Variants in DENND1A observed in about 807,000 individuals in gnomAD.
The protein encoded by DENND1A is DENN domain containing 1A.
Under a neutral mutation model 113.7 loss-of-function variants are expected in DENND1A, and 51 were observed. That is an observed-to-expected ratio of 0.45 (90% CI 0.36 to 0.57). The LOEUF is 0.57. DENND1A is among the 20% of genes least tolerant of loss of function. DENND1A has a pLI of 0.00. For synonymous variants in DENND1A, 565 were observed against 570.8 expected (o/e 0.99, Z 0.14); for missense variants, 1,258 against 1,395.9 (o/e 0.90, Z 1.57).
At chr9:123,630,325 C>T (rs1294204032) in intron 10 of DENND1A, 51 bp downstream of exon 10, 1 of 1,342,872 alleles carries the variant, frequency 7.4e-7, no homozygotes, top group South Asian at 1.7e-5. Context: ...CCTAACACGC[C>T]CAGTCAGATC....
chr9:123,503,202 G>C (rs2052638635), intron 13 of DENND1A, among the ~76,000 whole-genome samples: 1 of 152,206 alleles, frequency 6.6e-6, no homozygotes, highest in African/African-American at 2.4e-5. Context: ...TAGTCAGATG[G>C]ATTTGAGACC....
chr9:123,615,033 G>C (rs1468119663), intron 10 of DENND1A, among the ~76,000 whole-genome samples: 2 of 152,350 alleles, frequency 1.3e-5, no homozygotes, highest in Admixed American at 6.5e-5. Flanking sequence ...ACAGACACCA[G>C]AGAACATATC....
At chr9:123,420,420 A>AG (rs2045166621) in intron 19 of DENND1A, among the ~76,000 whole-genome samples, 1 of 151,382 alleles carries the variant, frequency 6.6e-6, no homozygotes, top group South Asian at 2.1e-4. Flanking sequence ...GCCACCTGCG[A>AG]GGGGGATGAG....
intron 1 of DENND1A, among the ~76,000 whole-genome samples, chr9:123,903,855 T>C (rs1852221947): frequency 1.3e-5 from 2 of 152,078 alleles, no homozygotes; most frequent in African/African-American, 4.8e-5. Context: ...AAGCTCGAAC[T>C]GGGTGGAGCC....
chr9:123,825,886 G>A (rs996105424), intron 2 of DENND1A, among the ~76,000 whole-genome samples: 1 of 152,180 alleles, frequency 6.6e-6, no homozygotes, highest in Non-Finnish European at 1.5e-5. Flanking sequence ...AATGCAAGTG[G>A]CCTGTGCCAA....
intron 21 of DENND1A, among the ~76,000 whole-genome samples, chr9:123,389,920 G>A (rs1410053305): frequency 6.6e-6 from 1 of 152,206 alleles, no homozygotes; most frequent in African/African-American, 2.4e-5. Context: ...CATGCTGTGT[G>A]TTGGCTCTAC....
At chr9:123,801,879 T>C (rs1181485108) in intron 2 of DENND1A, among the ~76,000 whole-genome samples, 3 of 152,206 alleles carry the variant, frequency 2.0e-5, no homozygotes, top group Non-Finnish European at 4.4e-5. Flanking sequence ...TTCACCTTTC[T>C]CATCTTCCCA....
intron 10 of DENND1A, among the ~76,000 whole-genome samples, chr9:123,627,757 A>AAAAAAAAG (rs1366495919): frequency 2.1e-5 from 3 of 144,464 alleles, no homozygotes; most frequent in East Asian, 4.0e-4. Flanking sequence ...AAAAAAAAAA[A>AAAAAAAAG]AGAGAGAGAG....
chr9:123,904,226 A>G (rs1453247576), intron 1 of DENND1A, among the ~76,000 whole-genome samples: 2 of 152,144 alleles, frequency 1.3e-5, no homozygotes, highest in Non-Finnish European at 2.9e-5. Flanking sequence ...GTACATCACC[A>G]TCATCAAAGA....
chr9:123,770,338 T>C (rs1358729149), intron 3 of DENND1A, among the ~76,000 whole-genome samples: 1 of 152,126 alleles, frequency 6.6e-6, no homozygotes, highest in East Asian at 1.9e-4. Context: ...GTACACAAAG[T>C]AAGGTGACAT....
chr9:123,567,684 G>C (rs1027108929), intron 12 of DENND1A, among the ~76,000 whole-genome samples: 2 of 152,180 alleles, frequency 1.3e-5, no homozygotes, highest in Non-Finnish European at 2.9e-5. Context: ...AGTCAGACAT[G>C]TGAATGTCTC....
rs546550206 is a variant in DENND1A at position 123,381,693 on chromosome 9, C to T, written c.2952G>A (p.Thr984=). 761 of 1,567,992 alleles carry T rather than the reference C, an allele frequency of 4.9e-4. No individual in the cohort carries two copies. Among genetic ancestry groups the T allele is most frequent in the Non-Finnish European group, 6.3e-4 (730 of 1,156,390 alleles). Residue 984 remains threonine (T), a synonymous_variant, in exon 24 of 24, where the codon ACG becomes ACA. Transcript: ENST00000394215. This position sits in a 1 kb window ranked among gnomAD's most constrained non-coding sequence, Gnocchi z 4.7. ...TGGCACTTGAGCGGGCCAGGGGCAA[C>T]GTTCGGATCCTCGACGGGGCAACTG... The part of the protein sequence containing the change: ...PPAVAPSRIR[T]LPLARSSARA...
chr9:123,849,887 T>G (rs1233439715), intron 2 of DENND1A, among the ~76,000 whole-genome samples: 1 of 152,180 alleles, frequency 6.6e-6, no homozygotes. Context: ...GCAGATGTGA[T>G]AGAAGCTACA....
At chr9:123,417,058 C>A (rs1032074326) in intron 19 of DENND1A, among the ~76,000 whole-genome samples, 2 of 152,248 alleles carry the variant, frequency 1.3e-5, no homozygotes, top group African/African-American at 2.4e-5. Flanking sequence ...ATTGGTTCTG[C>A]CACTTAGGCG....
Position 123,928,330 on chromosome 9 carries a change from G to A in DENND1A, c.17+1559C>T, listed in dbSNP as rs1418104514. On this transcript the variant is annotated intron_variant, in intron 1 of 23. Transcript: ENST00000394215. ...TCTGAACTTTTCTGTAACAAGAAGG[G>A]TAAGTGTCCTCACGCATACTCTGCA... Among the ~76,000 whole-genome samples the A allele has an allele frequency of 1.6e-4, 24 of 152,210 alleles. 1 individual carries two copies. Among genetic ancestry groups the A allele is most frequent in the Admixed American group, 1.6e-3 (24 of 15,280 alleles).
chr9:123,904,171 A>C (rs1192816062), intron 1 of DENND1A, among the ~76,000 whole-genome samples: 1 of 152,216 alleles, frequency 6.6e-6, no homozygotes, highest in African/African-American at 2.4e-5. Flanking sequence ...CCTGTCTGTT[A>C]GAAGGAAAAC....
chr9:123,921,509 T>C (rs1856248016), intron 1 of DENND1A, among the ~76,000 whole-genome samples: 1 of 152,204 alleles, frequency 6.6e-6, no homozygotes, highest in South Asian at 2.1e-4. Context: ...ATACAGCCTA[T>C]GCGAGATCAA....
Position 123,581,490 on chromosome 9 carries a change from T to C in DENND1A, c.867+1679A>G, listed in dbSNP as rs941965772. On this transcript the variant is annotated intron_variant, in intron 12 of 23. Coordinates refer to ENST00000394215, the MANE Select transcript of DENND1A (RefSeq NM_001352964.2). ...CTCTACAAAACGTAGCTGGGTGTGGTGGCATGTGCCTACGGTCCCAGCTAC... is the reference window on the plus strand; with the variant it reads ...CTCTACAAAACGTAGCTGGGTGTGGCGGCATGTGCCTACGGTCCCAGCTAC... 4.7e-4 allele frequency among the ~76,000 whole-genome samples: 71 copies of C among 152,112 alleles called. 1 individual carries two copies. The highest frequency in any genetic ancestry group is 1.0e-3 in the Admixed American group (16 of 15,284).
chr9:123,778,123 G>A (rs567404578), intron 3 of DENND1A, among the ~76,000 whole-genome samples: 2 of 152,080 alleles, frequency 1.3e-5, no homozygotes, highest in Admixed American at 1.3e-4. Flanking sequence ...TAACACTCAA[G>A]GGTTTTAATT....
Sources: gnomAD v4.1 joint callset for allele counts (sites outside exome capture counted in the v4.1 genomes callset) on GRCh38, gnomAD v4.1.1 for gene constraint, Gnocchi (gnomAD v3.1) non-coding constraint, MANE v1.5 for transcripts, NCBI Gene and HGNC (gene_info 2026-07-23, HGNC 2026-07-21) for gene names.